The following SACS variants were observed in gnomAD, a reference collection of about 807,000 sequenced individuals.
The protein encoded by SACS is sacsin molecular chaperone.
A neutral mutation model predicts 348.0 loss-of-function variants in SACS; 197 were observed. That is an observed-to-expected ratio of 0.57 (90% CI 0.50 to 0.64). SACS has a LOEUF of 0.64. Among genes scored for constraint, SACS ranks in the 30% least tolerant of loss-of-function variants. SACS has a pLI of 0.00. For synonymous variants in SACS, 1,985 were observed against 1,910.6 expected, an observed-to-expected ratio of 1.04 and a Z score of -1.02; for missense variants, 4,999 against 5,360.8, an observed-to-expected ratio of 0.93 and a Z score of 2.11.
intron 2 of SACS, among the ~76,000 whole-genome samples, chr13:23,409,672 T>C (rs544395350): frequency 6.6e-6 from 1 of 152,250 alleles, no homozygotes; most frequent in Admixed American, 6.5e-5. Context: ...GTGTATTTTT[T>C]TAAAAAAGAC....
chr13:23,337,344 G>A lies in SACS; in HGVS notation c.6532C>T (p.His2178Tyr), dbSNP rs1196209727. The change falls in exon 10 of 10, where the codon CAT becomes TAT. Residue 2178 changes from histidine (H) to tyrosine (Y), a missense_variant. Coordinates refer to ENST00000382292, the MANE Select transcript of SACS (RefSeq NM_014363.6). ...VSVAEINKSD[H>Y]VAACLRSSIL... ...CTACTTCTTAGGCATGCAGCAACAT[G>A]ATCACTTTTATTAATTTCAGCTACT... 1 of 1,613,872 alleles carries A rather than the reference G, an allele frequency of 6.2e-7. No homozygotes were observed. Among genetic ancestry groups the A allele is most frequent in the South Asian group, 1.1e-5 (1 of 91,046 alleles).
At chr13:23,422,727 C>T (rs147002515) in intron 1 of SACS, among the ~76,000 whole-genome samples, 4,201 of 151,600 alleles carry the variant, frequency 0.028, 85 homozygotes, top group African/African-American at 0.05. Context: ...GGCACGATCT[C>T]GGCTCACTGC....
intron 2 of SACS, among the ~76,000 whole-genome samples, chr13:23,396,274 A>G (rs1318650584): frequency 1.3e-5 from 2 of 151,760 alleles, no homozygotes; most frequent in African/African-American, 4.9e-5. Flanking sequence ...CAGTGAGCCA[A>G]GAGTGTGCCA....
Position 23,332,837 on chromosome 13 carries a change from A to G in SACS, c.11039T>C (p.Ile3680Thr), listed in dbSNP as rs754184596. 54 of 1,613,732 alleles carry G rather than the reference A, an allele frequency of 3.3e-5. No individual in the cohort carries two copies. The highest frequency in any genetic ancestry group is 1.2e-4 in the African/African-American group (9 of 74,940). Residue 3680 changes from isoleucine to threonine, a missense_variant, in exon 10 of 10, where the codon ATA (isoleucine) becomes ACA (threonine). Around this residue, in one of 6 missense-constraint regions of SACS, gnomAD observed 831 missense variants for 941.8 expected, o/e 0.88. Transcript: ENST00000382292. ...YQEVNGTLPL[I>T]KFNGAQVNPK... ...ATTTACCTGTGCTCCATTGAACTTT[A>G]TAAGAGGAAGTGTTCCATTTACCTC...
At chr13:23,366,231 G>A (rs958888498) in intron 5 of SACS, among the ~76,000 whole-genome samples, 9 of 152,160 alleles carry the variant, frequency 5.9e-5, no homozygotes, top group Admixed American at 4.6e-4. Context: ...GAGGTGGTAC[G>A]ATGACTACAT....
At chr13:23,389,887 T>A (rs1872461516) in intron 2 of SACS, among the ~76,000 whole-genome samples, 2 of 152,224 alleles carry the variant, frequency 1.3e-5, no homozygotes, top group African/African-American at 4.8e-5. Context: ...TAATTTTACA[T>A]CAAAATGTCA....
intron 2 of SACS, among the ~76,000 whole-genome samples, chr13:23,397,217 T>C (rs1872743519): frequency 6.6e-6 from 1 of 152,186 alleles, no homozygotes; most frequent in South Asian, 2.1e-4. Context: ...TTACAATTAA[T>C]AAGGGTGAGG....
In SACS at chr13:23,411,283, A is replaced by G. The variant is rs1873471052; in HGVS notation, c.-44T>C. On this transcript the variant is annotated 5_prime_UTR_variant, in exon 2 of 10. Coordinates refer to ENST00000382292, the MANE Select transcript of SACS (RefSeq NM_014363.6). ...ATTTGTTTGTGAAAACCATGAAAGT[A>G]CGCTTCTTTCTTCTGTTTAAGTCTT... 3.2e-6 allele frequency: 5 copies of G among 1,575,914 alleles called. No homozygotes were observed. The highest frequency in any genetic ancestry group is 1.7e-4 in the Middle Eastern group (1 of 6,010).
chr13:23,333,491 A>G lies in SACS; in HGVS notation c.10385T>C (p.Leu3462Pro), dbSNP rs767283016. 6.2e-7 allele frequency: 1 copy of G among 1,613,218 alleles called. No homozygotes were observed. The highest frequency in any genetic ancestry group is 8.5e-7 in the Non-Finnish European group (1 of 1,179,426). Residue 3462 changes from leucine to proline, a missense_variant, in exon 10 of 10, where the codon CTA becomes CCA. Transcript: ENST00000382292. ...FLEEKIHLKE[L>P]YEVIGCVPVD... ...AGGTACACAACCAATCACCTCATAT[A>G]GTTCTTTTAAGTGTATTTTTTCTTC...
At chr13:23,349,035 C>T (rs1005483765) in intron 9 of SACS, among the ~76,000 whole-genome samples, 11 of 152,188 alleles carry the variant, frequency 7.2e-5, no homozygotes. Context: ...TGGAAGTTTA[C>T]AATCATGGAA....
intron 2 of SACS, among the ~76,000 whole-genome samples, chr13:23,380,622 C>T (rs1872015050): frequency 6.6e-6 from 1 of 152,168 alleles, no homozygotes; most frequent in Non-Finnish European, 1.5e-5. Flanking sequence ...CAAACACTAT[C>T]TTATTTAATC....
chr13:23,408,237 C>G (rs17327361), intron 2 of SACS, among the ~76,000 whole-genome samples: 4,338 of 152,164 alleles, frequency 0.029, 103 homozygotes, highest in Middle Eastern at 0.058. Context: ...CAAGTATGCC[C>G]TGCTCTTACG....
At chr13:23,410,020 A>C (rs1873417284) in intron 2 of SACS, among the ~76,000 whole-genome samples, 1 of 152,202 alleles carries the variant, frequency 6.6e-6, no homozygotes, top group Non-Finnish European at 1.5e-5. Context: ...AGTCAGCTGG[A>C]AAGTTAAAGG....
At position 23,354,795 on chromosome 13, in the gene SACS, C is replaced by T. The variant is rs1258876670; in HGVS notation, c.1817G>A (p.Gly606Glu). ...GAGCTGAACAGCAGCATCCACATTC[C>T]CTGGTACCTTGGCAATCTGCTTCCC... ...SSGKQIAKVP[G>E]NVDAAVQLTA... Residue 606 changes from glycine to glutamate, a missense_variant, in exon 8 of 10, where the codon GGG becomes GAG. Transcript: ENST00000382292. The T allele has an allele frequency of 6.2e-7, 1 of 1,614,196 alleles. No individual in the cohort carries two copies. The highest frequency in any genetic ancestry group is 8.5e-7 in the Non-Finnish European group (1 of 1,180,030).
chr13:23,425,263 G>A (rs568921123), intron 1 of SACS, among the ~76,000 whole-genome samples: 12 of 151,390 alleles, frequency 7.9e-5, no homozygotes, highest in African/African-American at 2.2e-4. Flanking sequence ...ACAGATGCCC[G>A]ATGTCCATCT....
In SACS at chr13:23,336,769, T is replaced by C; in HGVS notation, c.7107A>G (p.Pro2369=). 3 of 1,613,902 alleles carry C rather than the reference T, an allele frequency of 1.9e-6. No individual in the cohort carries two copies. The highest frequency in any genetic ancestry group is 2.5e-6 in the Non-Finnish European group (3 of 1,179,868). ...ACTTATTAGGCAACTGATAAAGGTATGGTGCCGCCTCAAAATTTAAATGAA... is the reference window on the plus strand; with the variant it reads ...ACTTATTAGGCAACTGATAAAGGTACGGTGCCGCCTCAAAATTTAAATGAA... The part of the protein sequence containing the change: ...VSFHLNFEAA[P]YLYQLPNKYK... The change falls in exon 10 of 10, where the codon CCA becomes CCG. Residue 2369 remains proline (P), a synonymous_variant. Coordinates refer to ENST00000382292, the MANE Select transcript of SACS (RefSeq NM_014363.6).
At chr13:23,371,267 A>G in intron 3 of SACS, 102 bp from the exon 4 acceptor site, 1 of 537,658 alleles carries the variant, frequency 1.9e-6, no homozygotes, top group Non-Finnish European at 3.1e-6. Context: ...ATGCTTGTTA[A>G]GTCTTCTTAT....
At chr13:23,410,876 GTTTAT>G (rs1240242821) in intron 2 of SACS, among the ~76,000 whole-genome samples, 2 of 152,044 alleles carry the variant, frequency 1.3e-5, no homozygotes, top group Non-Finnish European at 2.9e-5. Context: ...TTTCACAGTT[GTTTAT>G]TTTATATTTT....
chr13:23,337,086 T>C lies in SACS; in HGVS notation c.6790A>G (p.Asn2264Asp). The change falls in exon 10 of 10, where the codon AAT (asparagine) becomes GAT (aspartate). Residue 2264 changes from asparagine to aspartate, a missense_variant. This residue lies in a region of SACS where 3,156 missense variants were observed against 3,380.1 expected (regional missense o/e 0.93). Transcript: ENST00000382292. ...CCACAACCTCTAAAAGAATGGGAAT[T>C]TTCATTTAGAATTGGTTGCAAAAGA... ...VCLLQPILNENSHSFRGCGSV... is the reference protein window; with the variant it reads ...VCLLQPILNEDSHSFRGCGSV... 6.2e-7 allele frequency: 1 copy of C among 1,613,990 alleles called. No individual in the cohort carries two copies. The highest frequency in any genetic ancestry group is 8.5e-7 in the Non-Finnish European group (1 of 1,179,914).
Sources: allele counts gnomAD v4.1 joint callset (sites outside exome capture counted in the v4.1 genomes callset), GRCh38; gene constraint gnomAD v4.1.1; regional missense constraint gnomAD v4.1.1; transcripts MANE v1.5; gene names NCBI Gene and HGNC (gene_info 2026-07-23, HGNC 2026-07-21).